Variants in FAM53B observed in about 807,000 individuals in gnomAD.
The protein encoded by FAM53B is protein FAM53B.
Under a neutral mutation model 32.7 loss-of-function variants are expected in FAM53B, and 12 were observed. The ratio of observed to expected loss-of-function variants is 0.37; its 90% CI spans 0.24 to 0.59. The LOEUF (loss-of-function observed/expected upper bound fraction) is 0.59. FAM53B is among the 20% of genes least tolerant of loss of function. FAM53B has a pLI of 0.72. For synonymous variants in FAM53B, 234 were observed against 228.7 expected, an observed-to-expected ratio of 1.02 and a Z score of -0.21; for missense variants, 477 against 577.7, an observed-to-expected ratio of 0.83 and a Z score of 1.79.
intron 1 of FAM53B, among the ~76,000 whole-genome samples, chr10:124,734,618 G>A (rs1403489700): frequency 2.0e-5 from 3 of 152,190 alleles, no homozygotes; most frequent in South Asian, 2.1e-4. Flanking sequence ...TGGAAAGGAC[G>A]CTCTAGGGCC....
chr10:124,643,214 T>C (rs1232667030), intron 4 of FAM53B, among the ~76,000 whole-genome samples: 3 of 152,176 alleles, frequency 2.0e-5, no homozygotes, highest in Admixed American at 6.5e-5. Context: ...GAATCAAGGA[T>C]CACACTCACC....
chr10:124,724,189 A>G (rs1237691545), intron 1 of FAM53B, among the ~76,000 whole-genome samples: 1 of 152,240 alleles, frequency 6.6e-6, no homozygotes, highest in Non-Finnish European at 1.5e-5. Context: ...AGGAAGCGGC[A>G]TGAGTGTTGG....
intron 4 of FAM53B, among the ~76,000 whole-genome samples, chr10:124,678,837 T>C (rs1252820179): frequency 6.6e-6 from 1 of 152,098 alleles, no homozygotes; most frequent in Admixed American, 6.5e-5. Flanking sequence ...CTAACCACAG[T>C]CTATCTGGCC....
chr10:124,693,980 G>A (rs758583293), intron 3 of FAM53B, among the ~76,000 whole-genome samples: 8 of 152,222 alleles, frequency 5.3e-5, no homozygotes, highest in Non-Finnish European at 1.2e-4. Context: ...AGTGAAACAC[G>A]TCAGTGATGC....
intron 3 of FAM53B, among the ~76,000 whole-genome samples, chr10:124,687,045 A>G (rs1234376980): frequency 6.6e-6 from 1 of 152,252 alleles, no homozygotes; most frequent in Non-Finnish European, 1.5e-5. Context: ...AATTGTTTCT[A>G]TCTTTATCGC....
At chr10:124,629,509 C>A (rs566814756) in intron 4 of FAM53B, among the ~76,000 whole-genome samples, 4 of 152,142 alleles carry the variant, frequency 2.6e-5, no homozygotes, top group Admixed American at 2.6e-4. Context: ...TCACAAGTCA[C>A]GAGCAGAGCT....
chr10:124,696,408 T>C (rs950480445), intron 2 of FAM53B, among the ~76,000 whole-genome samples, 196 bp from the exon 3 acceptor site: 9 of 152,218 alleles, frequency 5.9e-5, no homozygotes, highest in African/African-American at 2.2e-4. Flanking sequence ...CCCAAGTCTC[T>C]AGTGAGTTAT....
At chr10:124,709,659 C>G (rs1589759041) in intron 1 of FAM53B, among the ~76,000 whole-genome samples, 1 of 152,160 alleles carries the variant, frequency 6.6e-6, no homozygotes, top group Admixed American at 6.5e-5. Context: ...GCAGGGCAAA[C>G]TGGTTAAATA....
intron 4 of FAM53B, among the ~76,000 whole-genome samples, chr10:124,677,640 G>C (rs1949744686): frequency 6.6e-6 from 1 of 152,234 alleles, no homozygotes; most frequent in Non-Finnish European, 1.5e-5. Flanking sequence ...CTCACCTGCA[G>C]CCTCATTCAG....
At chr10:124,659,828 C>T (rs879678316) in intron 4 of FAM53B, among the ~76,000 whole-genome samples, 8 of 152,214 alleles carry the variant, frequency 5.3e-5, no homozygotes, top group Non-Finnish European at 7.3e-5. Flanking sequence ...TTTTTTGAGA[C>T]GGAGTCTCGC....
intron 2 of FAM53B, among the ~76,000 whole-genome samples, chr10:124,705,299 G>T (rs1002032034): frequency 6.8e-6 from 1 of 146,930 alleles, no homozygotes; most frequent in Non-Finnish European, 1.5e-5. Context: ...GGCTAGAGGG[G>T]CAGGAGGGAA....
intron 4 of FAM53B, among the ~76,000 whole-genome samples, chr10:124,631,887 C>A (rs938537593): frequency 1.1e-4 from 16 of 152,188 alleles, no homozygotes; most frequent in African/African-American, 3.9e-4. Context: ...CTGTGTGTAC[C>A]CCATTTCCTG....
intron 4 of FAM53B, among the ~76,000 whole-genome samples, chr10:124,673,051 G>C (rs1411882122): frequency 1.3e-5 from 2 of 152,162 alleles, no homozygotes; most frequent in African/African-American, 2.4e-5. Context: ...TGCCCAGTGA[G>C]GCCTATGACT....
chr10:124,702,483 A>G (rs568149986), intron 2 of FAM53B, among the ~76,000 whole-genome samples: 30 of 152,304 alleles, frequency 2.0e-4, no homozygotes, highest in African/African-American at 7.0e-4. Context: ...AGTTATTTAC[A>G]TCGTGTGTCT....
At chr10:124,742,198 A>G (rs1950204234) in intron 1 of FAM53B, among the ~76,000 whole-genome samples, 1 of 152,184 alleles carries the variant, frequency 6.6e-6, no homozygotes, top group Non-Finnish European at 1.5e-5. Flanking sequence ...GTGACAGCCA[A>G]GTGCAGACAC....
intron 1 of FAM53B, among the ~76,000 whole-genome samples, chr10:124,728,087 G>C (rs1589765958): frequency 1.3e-5 from 2 of 152,280 alleles, no homozygotes; most frequent in South Asian, 2.1e-4. Context: ...ATCTTGGTTT[G>C]AAGATCTCCA....
chr10:124,723,946 G>A (rs973159779), intron 1 of FAM53B, among the ~76,000 whole-genome samples: 4 of 152,210 alleles, frequency 2.6e-5, no homozygotes, highest in Admixed American at 2.6e-4. Context: ...TTCTCTCTGG[G>A]CATTATTTCC....
At chr10:124,661,561 G>A (rs1259847095) in intron 4 of FAM53B, among the ~76,000 whole-genome samples, 2 of 152,206 alleles carry the variant, frequency 1.3e-5, no homozygotes, top group Non-Finnish European at 2.9e-5. Context: ...CAATCTTACA[G>A]CCACTGTCCC....
At chr10:124,635,785 G>A (rs1365836799) in intron 4 of FAM53B, among the ~76,000 whole-genome samples, 1 of 152,148 alleles carries the variant, frequency 6.6e-6, no homozygotes, top group Non-Finnish European at 1.5e-5. Flanking sequence ...AGTCGGCAGG[G>A]GACCCCACAA....
Sources: gnomAD v4.1 joint callset for allele counts (sites outside exome capture counted in the v4.1 genomes callset) on GRCh38, gnomAD v4.1.1 for gene constraint, MANE v1.5 for transcripts, NCBI Gene and HGNC (gene_info 2026-07-23, HGNC 2026-07-21) for gene names.